The following C2orf80 variants were observed in gnomAD, a reference collection of about 807,000 sequenced individuals.
The protein encoded by C2orf80 is chromosome 2 open reading frame 80, also known as uncharacterized protein C2orf80.
In C2orf80, 28 loss-of-function variants were observed where a neutral mutation model predicts 30.2. The observed-to-expected ratio is 0.93, with a 90% confidence interval of 0.69 to 1.27. The LOEUF (loss-of-function observed/expected upper bound fraction) is 1.27. Among genes scored for constraint, C2orf80 ranks in the 50% most tolerant of loss-of-function variants. The probability of loss-of-function intolerance (pLI) is 0.00; values close to 1 mark genes in which losing one functional copy is unlikely to be tolerated. For synonymous variants in C2orf80, 80 were observed against 76.4 expected (o/e 1.05, Z -0.24); for missense variants, 220 against 231.0 (o/e 0.95, Z 0.31).
At chr2:208,176,970 C>T (rs1696356180) in intron 6 of C2orf80, among the ~76,000 whole-genome samples, 2 of 91,960 alleles carry the variant, frequency 2.2e-5, no homozygotes, top group East Asian at 2.7e-4. Flanking sequence ...CATATGTATA[C>T]ATATATACAG....
chr2:208,189,196 G>C (rs1029021354), intron 1 of C2orf80, among the ~76,000 whole-genome samples: 2 of 152,218 alleles, frequency 1.3e-5, no homozygotes, highest in Admixed American at 1.3e-4. Flanking sequence ...GTAAGGCACA[G>C]TTAGCATGTG....
chr2:208,184,089 T>C (rs1696643112), intron 3 of C2orf80, among the ~76,000 whole-genome samples: 1 of 152,224 alleles, frequency 6.6e-6, no homozygotes, highest in Non-Finnish European at 1.5e-5. Flanking sequence ...AATGGGACCA[T>C]GACCAAATGT....
intron 3 of C2orf80, among the ~76,000 whole-genome samples, chr2:208,184,106 C>T (rs1265864818): frequency 6.6e-6 from 1 of 152,140 alleles, no homozygotes; most frequent in African/African-American, 2.4e-5. Context: ...ATGTTGCAAC[C>T]GGATCCAAAG....
At chr2:208,167,057 G>A (rs1180445778) in intron 8 of C2orf80, among the ~76,000 whole-genome samples, 2 of 152,122 alleles carry the variant, frequency 1.3e-5, no homozygotes, top group African/African-American at 4.8e-5. Context: ...AAAACTAAAA[G>A]CACAGAGAGA....
chr2:208,185,309 C>T (rs752967251), intron 2 of C2orf80, among the ~76,000 whole-genome samples: 4 of 152,126 alleles, frequency 2.6e-5, no homozygotes, highest in Non-Finnish European at 5.9e-5. Flanking sequence ...ATGCTAAATA[C>T]CCACACACAG....
At chr2:208,176,826 C>A (rs1696313071) in intron 6 of C2orf80, among the ~76,000 whole-genome samples, 1 of 128,070 alleles carries the variant, frequency 7.8e-6, no homozygotes, top group South Asian at 2.7e-4. Flanking sequence ...CTTAACATTA[C>A]ACAACCTGCC....
Position 208,180,779 on chromosome 2 carries a change from C to G in C2orf80, c.332G>C (p.Gly111Ala). Residue 111 changes from glycine (G) to alanine (A), a missense_variant, in exon 6 of 9, where the codon GGG becomes GCG. Gly to Ala is a moderately conservative substitution (Grantham distance 60). Coordinates refer to ENST00000341287, the MANE Select transcript of C2orf80 (RefSeq NM_001099334.3). Reference sequence around the variant, plus strand: ...ACCAGAATCGGCAGAAGAATCAGCCCCATAAATTTTAAAGACTTCCTCAAT... The same window carrying G: ...ACCAGAATCGGCAGAAGAATCAGCCGCATAAATTTTAAAGACTTCCTCAAT... The part of the protein sequence containing the change: ...IPIEEVFKIY[G>A]ADSSADSGTI... 2 of 1,613,634 alleles carry G rather than the reference C, an allele frequency of 1.2e-6. No individual in the cohort carries two copies. Among genetic ancestry groups the G allele is most frequent in the East Asian group, 2.2e-5 (1 of 44,830 alleles).
chr2:208,165,837 T>C, intron 8 of C2orf80, 22 bp from the exon 9 acceptor site: 1 of 1,586,254 alleles, frequency 6.3e-7, no homozygotes, highest in Non-Finnish European at 8.6e-7. Flanking sequence ...AAGATGATTT[T>C]GGTATCAAGC....
chr2:208,185,426 T>C (rs946961692), intron 2 of C2orf80, among the ~76,000 whole-genome samples: 1 of 152,216 alleles, frequency 6.6e-6, no homozygotes, highest in South Asian at 2.1e-4. Context: ...ATTCCAGATA[T>C]ATAAAATTCT....
intron 6 of C2orf80, among the ~76,000 whole-genome samples, chr2:208,172,804 C>T (rs1353669267): frequency 6.6e-6 from 1 of 152,084 alleles, no homozygotes; most frequent in African/African-American, 2.4e-5. Context: ...TTTTGCCGTG[C>T]AATGCTTCTT....
chr2:208,176,950 T>TGTATACAG (rs1553597412), intron 6 of C2orf80, among the ~76,000 whole-genome samples: 1 of 32,860 alleles, frequency 3.0e-5, no homozygotes, highest in African/African-American at 1.0e-4. Flanking sequence ...TCTGTATACA[T>TGTATACAG]ATCTGTATAC....
rs778384344 is a variant in C2orf80 at position 208,184,936 on chromosome 2, C to A, written c.123+15G>T. ...ATAACACAAATATGACTCGCATCAGCGTGCCTTTCTTTACCATATCATCTA... is the reference window on the plus strand; with the variant it reads ...ATAACACAAATATGACTCGCATCAGAGTGCCTTTCTTTACCATATCATCTA... On this transcript the variant is annotated intron_variant, in intron 3 of 8. Transcript: ENST00000341287. 1.2e-6 allele frequency: 2 copies of A among 1,601,568 alleles called. No individual in the cohort carries two copies. Among genetic ancestry groups the A allele is most frequent in the South Asian group, 2.2e-5 (2 of 90,832 alleles).
chr2:208,183,569 G>A (rs1221229062), intron 3 of C2orf80, among the ~76,000 whole-genome samples: 2 of 152,064 alleles, frequency 1.3e-5, no homozygotes, highest in African/African-American at 4.8e-5. Context: ...CAGTGTGGTG[G>A]GAATTTGGAG....
intron 3 of C2orf80, among the ~76,000 whole-genome samples, chr2:208,184,364 A>G (rs1696651538): frequency 6.6e-6 from 1 of 152,218 alleles, no homozygotes; most frequent in East Asian, 1.9e-4. Context: ...GCCTGGCTCT[A>G]CTTTAGTCGG....
intron 6 of C2orf80, among the ~76,000 whole-genome samples, chr2:208,173,561 C>G (rs1696178597): frequency 6.6e-6 from 1 of 151,670 alleles, no homozygotes; most frequent in South Asian, 2.1e-4. Context: ...GGAGGCGGAG[C>G]TTGCCGTGAG....
rs1553597356 is a variant in C2orf80, at chr2:208,176,929, A to ATGTGTACAGATC, written c.366+3815_366+3816insGATCTGTACACA. On this transcript the variant is annotated intron_variant, in intron 6 of 8. Transcript: ENST00000341287. ...TCTGTGTATACATATCTGTATACATATGTATACATATCTGTATACATATCT... is the reference window on the plus strand; with the variant it reads ...TCTGTGTATACATATCTGTATACATATGTGTACAGATCTGTATACATATCTGTATACATATCT... Among the ~76,000 whole-genome samples, 21 of 66,406 alleles carry ATGTGTACAGATC rather than the reference A, an allele frequency of 3.2e-4. 3 individuals are homozygous for ATGTGTACAGATC. Among genetic ancestry groups the ATGTGTACAGATC allele is most frequent in the Non-Finnish European group, 7.4e-4 (21 of 28,308 alleles). The allele number at this position is 66,406 out of a possible 152,430, so 43.6% of individuals were successfully genotyped here.
At position 208,187,787 on chromosome 2, in the gene C2orf80, G is replaced by GT. The variant is rs199617794; in HGVS notation, c.-75-727dup. Among the ~76,000 whole-genome samples, 1,266 of 146,198 alleles carry GT rather than the reference G, an allele frequency of 8.7e-3. 9 individuals are homozygous for GT. The highest frequency in any genetic ancestry group is 0.025 in the African/African-American group (1,024 of 40,174). ...AAACTTTATCCCGGATGTTTCTGGT[G>GT]TTTTTTTTTTAATGAGATTATCATT... is the stretch of plus-strand genomic sequence containing the variant. On this transcript the variant is annotated intron_variant, in intron 1 of 8. Coordinates refer to ENST00000341287, the MANE Select transcript of C2orf80 (RefSeq NM_001099334.3).
At chr2:208,184,050 T>C (rs1247785770) in intron 3 of C2orf80, among the ~76,000 whole-genome samples, 1 of 152,190 alleles carries the variant, frequency 6.6e-6, no homozygotes, top group African/African-American at 2.4e-5. Flanking sequence ...AACTGAACAG[T>C]GAACCTAAAT....
At chr2:208,180,955 G>A (rs775679289) in intron 5 of C2orf80, 139 bp from the exon 6 acceptor site, 3 of 717,894 alleles carry the variant, frequency 4.2e-6, no homozygotes, top group Non-Finnish European at 6.9e-6. Flanking sequence ...AATAACTTCT[G>A]ATCAATGGAT....
Sources: gnomAD v4.1 joint callset for allele counts (sites outside exome capture counted in the v4.1 genomes callset) on GRCh38, gnomAD v4.1.1 for gene constraint, MANE v1.5 for transcripts, NCBI Gene and HGNC (gene_info 2026-07-23, HGNC 2026-07-21) for gene names.